Variants in DNAJC1 observed in about 807,000 individuals in gnomAD.
DNAJC1 encodes dnaJ homolog subfamily C member 1.
In DNAJC1, 58 loss-of-function variants were observed where a neutral mutation model predicts 76.6. The ratio of observed to expected loss-of-function variants is 0.76; its 90% CI spans 0.61 to 0.94. The LOEUF (loss-of-function observed/expected upper bound fraction) is 0.94, where lower values mean the gene tolerates loss of function less well. Among genes scored for constraint, DNAJC1 ranks in the 40% least tolerant of loss-of-function variants. The pLI, the probability that DNAJC1 is intolerant of heterozygous loss-of-function variation, is 0.00. For synonymous variants in DNAJC1, 258 were observed against 267.9 expected (o/e 0.96, Z 0.36); for missense variants, 689 against 677.3 (o/e 1.02, Z -0.19).
chr10:21,997,955 T>C (rs1838445935), intron 1 of DNAJC1, among the ~76,000 whole-genome samples: 1 of 152,174 alleles, frequency 6.6e-6, no homozygotes, highest in Non-Finnish European at 1.5e-5. Context: ...CAGCATAAAG[T>C]AAATACTACA....
intron 9 of DNAJC1, among the ~76,000 whole-genome samples, chr10:21,774,918 T>C (rs1056373610): frequency 2.0e-5 from 3 of 152,190 alleles, no homozygotes; most frequent in African/African-American, 4.8e-5. Flanking sequence ...TATTAGAACA[T>C]AGCCTTTACT....
chr10:21,938,107 G>A (rs981719772), intron 1 of DNAJC1, among the ~76,000 whole-genome samples: 3 of 151,992 alleles, frequency 2.0e-5, no homozygotes, highest in African/African-American at 7.2e-5. Flanking sequence ...TTTCTTTTTG[G>A]ATTCATTCCT....
chr10:21,979,157 A>T (rs1838111355), intron 1 of DNAJC1, among the ~76,000 whole-genome samples: 1 of 139,744 alleles, frequency 7.2e-6, no homozygotes, highest in Non-Finnish European at 1.5e-5. Context: ...AGATCTTTTA[A>T]AAAAAACCAG....
Position 22,003,347 on chromosome 10 carries a change from G to C in DNAJC1, c.88C>G (p.Pro30Ala). The C allele has an allele frequency of 7.0e-7, 1 of 1,438,688 alleles. No individual in the cohort carries two copies. Among genetic ancestry groups the C allele is most frequent in the Non-Finnish European group, 9.1e-7 (1 of 1,099,818 alleles). The allele number at this position is 1,438,688 out of a possible 1,614,324, so 89.1% of individuals were successfully genotyped here. Residue 30 changes from proline to alanine, a missense_variant, in exon 1 of 12, where the codon CCG becomes GCG. Physicochemically the swap from Pro to Ala is conservative, Grantham distance 27. Transcript: ENST00000376980. ...VPFPPPPPRT[P>A]LLWLLLLLLA... ...AGCAGCAGCAGCAGCCACAGCAGCG[G>C]CGTCCGCGGCGGCGGCGGCGGGAAC...
At chr10:21,771,666 T>A (rs1210564258) in intron 9 of DNAJC1, among the ~76,000 whole-genome samples, 2 of 152,110 alleles carry the variant, frequency 1.3e-5, no homozygotes, top group South Asian at 2.1e-4. Context: ...CCTGGCTATA[T>A]TTTGTATTTT....
intron 8 of DNAJC1, among the ~76,000 whole-genome samples, chr10:21,857,825 C>T (rs767107522): frequency 1.2e-4 from 18 of 151,706 alleles, no homozygotes; most frequent in Non-Finnish European, 1.9e-4. Flanking sequence ...CACTGCACTC[C>T]AGCCTGGCAA....
intron 8 of DNAJC1, among the ~76,000 whole-genome samples, chr10:21,827,683 T>C (rs776987190): frequency 3.3e-5 from 5 of 152,322 alleles, no homozygotes; most frequent in Admixed American, 6.5e-5. Context: ...ATACCAGTTG[T>C]TGCATTTAGG....
chr10:21,917,083 T>TA (rs1836969549), intron 6 of DNAJC1, among the ~76,000 whole-genome samples: 1 of 151,986 alleles, frequency 6.6e-6, no homozygotes, highest in Non-Finnish European at 1.5e-5. Context: ...GGCCAGCAGA[T>TA]ACCATCAAGT....
chr10:21,843,887 A>C (rs1835613014), intron 8 of DNAJC1, among the ~76,000 whole-genome samples: 1 of 152,032 alleles, frequency 6.6e-6, no homozygotes, highest in African/African-American at 2.4e-5. Flanking sequence ...TCCTCACACA[A>C]ATCTCACCTT....
chr10:21,801,685 C>A (rs532986701), intron 9 of DNAJC1, among the ~76,000 whole-genome samples: 2 of 152,042 alleles, frequency 1.3e-5, no homozygotes, highest in Admixed American at 1.3e-4. Context: ...GACACATGCA[C>A]GTGAATGTTC....
chr10:21,756,606 G>T lies in DNAJC1; in HGVS notation c.*81C>A. 1.0e-6 allele frequency: 1 copy of T among 970,838 alleles called. No homozygotes were observed. The allele number at this position is 970,838 out of a possible 1,614,324, so 60.1% of individuals were successfully genotyped here. ...AAGGCACATGACGTAGAAATATTGA[G>T]GTACAAAATGCAAATTTCTGCATAA... On this transcript the variant is annotated 3_prime_UTR_variant, in exon 12 of 12. Coordinates refer to ENST00000376980, the MANE Select transcript of DNAJC1 (RefSeq NM_022365.4).
Position 21,759,497 on chromosome 10 carries a change from C to T in DNAJC1, c.1269G>A (p.Glu423=). The change falls in exon 11 of 12, where the codon GAG becomes GAA. Residue 423 remains glutamate, a synonymous_variant. Coordinates refer to ENST00000376980, the MANE Select transcript of DNAJC1 (RefSeq NM_022365.4). ...QREDAEGVAA[E]EEQEGDSGEQ... ...CACCGGAGTCTCCCTCCTGCTCCTC[C>T]TCCGCTGCCACCCCCTCTGCGTCCT... The T allele has an allele frequency of 6.2e-7, 1 of 1,614,206 alleles. No individual in the cohort carries two copies. The highest frequency in any genetic ancestry group is 8.5e-7 in the Non-Finnish European group (1 of 1,180,046).
chr10:21,821,812 G>T (rs368021753), intron 8 of DNAJC1, among the ~76,000 whole-genome samples: 2 of 150,404 alleles, frequency 1.3e-5, no homozygotes, highest in Admixed American at 6.6e-5. Context: ...CTGTCTTCAG[G>T]CAGAACATTT....
chr10:21,823,879 A>G (rs1482938869), intron 8 of DNAJC1, among the ~76,000 whole-genome samples: 1 of 152,196 alleles, frequency 6.6e-6, no homozygotes, highest in Non-Finnish European at 1.5e-5. Flanking sequence ...AAACTATATC[A>G]GTCTATATAG....
chr10:21,806,283 A>G (rs550033232), intron 8 of DNAJC1, among the ~76,000 whole-genome samples, 184 bp from the exon 9 acceptor site: 7 of 152,334 alleles, frequency 4.6e-5, no homozygotes, highest in African/African-American at 1.7e-4. Flanking sequence ...TGCATATTTA[A>G]CACTGGAATG....
At chr10:21,876,423 T>G (rs1008894363) in intron 8 of DNAJC1, among the ~76,000 whole-genome samples, 5 of 152,172 alleles carry the variant, frequency 3.3e-5, no homozygotes, top group African/African-American at 1.2e-4. Context: ...GAAAAAACTT[T>G]AAAAGATCTA....
chr10:21,977,636 G>A (rs576719825), intron 1 of DNAJC1, among the ~76,000 whole-genome samples: 91 of 152,160 alleles, frequency 6.0e-4, no homozygotes, highest in Non-Finnish European at 7.2e-4. Flanking sequence ...ATGCCCAGGC[G>A]CCAACAGTCA....
At chr10:21,772,362 A>C (rs1320488392) in intron 9 of DNAJC1, among the ~76,000 whole-genome samples, 2 of 135,430 alleles carry the variant, frequency 1.5e-5, no homozygotes, top group South Asian at 4.5e-4. Context: ...TGGACTTTTC[A>C]TTATGTATAG....
At chr10:21,899,086 C>G (rs1836599802) in intron 7 of DNAJC1, among the ~76,000 whole-genome samples, 1 of 152,144 alleles carries the variant, frequency 6.6e-6, no homozygotes, top group Non-Finnish European at 1.5e-5. Context: ...TGAGTGACTG[C>G]AACCACACCT....
Sources: allele counts gnomAD v4.1 joint callset (sites outside exome capture counted in the v4.1 genomes callset), GRCh38; gene constraint gnomAD v4.1.1; transcripts MANE v1.5; gene names NCBI Gene and HGNC (gene_info 2026-07-23, HGNC 2026-07-21).